The following PRCC variants were observed in gnomAD, a reference collection of about 807,000 sequenced individuals.
PRCC encodes proline-rich protein PRCC.
Under a neutral mutation model 44.0 loss-of-function variants are expected in PRCC, and 10 were observed. The observed-to-expected ratio is 0.23, with a 90% CI of 0.14 to 0.39. The LOEUF (loss-of-function observed/expected upper bound fraction) is 0.39, where lower values mean the gene tolerates loss of function less well. Ranked by LOEUF, PRCC falls within the 10% of genes least tolerant of loss-of-function variation. The pLI, the probability that PRCC is intolerant of heterozygous loss-of-function variation, is 1.00. For synonymous variants in PRCC, 278 were observed against 259.5 expected (o/e 1.07, Z -0.69); for missense variants, 573 against 624.7 (o/e 0.92, Z 0.88).
intron 2 of PRCC, among the ~76,000 whole-genome samples, chr1:156,784,210 G>A (rs781380311): frequency 7.9e-5 from 12 of 152,154 alleles, no homozygotes; most frequent in Non-Finnish European, 1.6e-4. Context: ...GCCTCCCAAA[G>A]TACTGAAATT....
At chr1:156,791,057 C>G in intron 3 of PRCC, 1 of 1,384,776 alleles carries the variant, frequency 7.2e-7, no homozygotes, top group Non-Finnish European at 9.7e-7. Context: ...TCACCCTCCT[C>G]TTCCTCTAGG....
intron 5 of PRCC, 39 bp from the exon 6 acceptor site, chr1:156,797,237 C>T (rs1017235270): frequency 6.2e-7 from 1 of 1,612,672 alleles, no homozygotes; most frequent in African/African-American, 1.3e-5. Context: ...CTTCTGCTTT[C>T]ATCCTGTGGA....
At chr1:156,777,494 T>G (rs1201153894) in intron 1 of PRCC, among the ~76,000 whole-genome samples, 1 of 152,072 alleles carries the variant, frequency 6.6e-6, no homozygotes, top group Non-Finnish European at 1.5e-5. Context: ...CCCCCACATT[T>G]AGATACTAAG....
At chr1:156,800,295 G>T in intron 6 of PRCC, 79 bp from the exon 7 acceptor site, 1 of 1,332,712 alleles carries the variant, frequency 7.5e-7, no homozygotes, top group Non-Finnish European at 1.1e-6. Context: ...ATTTTAAATT[G>T]GGAAGCTCAC....
At chr1:156,796,266 GTATTTGC>G (rs1341108853) in intron 5 of PRCC, 2 of 152,192 alleles carry the variant, frequency 1.3e-5, no homozygotes, top group Non-Finnish European at 2.9e-5. Context: ...CAAGCAATTA[GTATTTGC>G]TATTTTCCTA....
Position 156,786,742 on chromosome 1 carries a change from C to T in PRCC, c.651C>T (p.Pro217=). The part of the protein sequence containing the change: ...KPSDGSPDTK[P]SRLASKTKTS... ...CGGATGGCTCCCCTGATACTAAGCC[C>T]TCCAGACTGGCTTCTAAGACCAAGA... Residue 217 remains proline (P), a synonymous_variant, in exon 3 of 7, where the codon CCC becomes CCT. Transcript: ENST00000271526. 6.2e-7 allele frequency: 1 copy of T among 1,614,196 alleles called. No homozygotes were observed. The highest frequency in any genetic ancestry group is 8.5e-7 in the Non-Finnish European group (1 of 1,180,036).
rs35911411 is a variant in PRCC, at chr1:156,795,285, GT to G, written c.1323+501del. On this transcript the variant is annotated intron_variant, in intron 5 of 6. Coordinates refer to ENST00000271526, the MANE Select transcript of PRCC (RefSeq NM_005973.5). The stretch of plus-strand genomic sequence containing the variant: ...CTTCCAATTGTTTTCATTTTCTGGT[GT>G]TTTTTTTTTTTTTTTTTTTTTTTCA... 8.8e-3 allele frequency among the ~76,000 whole-genome samples: 316 copies of G among 36,034 alleles called. 2 individuals carry two copies. The highest frequency in any genetic ancestry group is 0.042 in the African/African-American group (298 of 7,154). 23.6% of individuals were successfully genotyped at this position (36,034 alleles called of 152,430 possible).
At chr1:156,797,118 C>A in intron 5 of PRCC, 158 bp from the exon 6 acceptor site, 1 of 717,504 alleles carries the variant, frequency 1.4e-6, no homozygotes, top group Non-Finnish European at 2.3e-6. Context: ...AAAATAAAGG[C>A]TTTGTAGTAT....
At chr1:156,778,009 AAACT>A (rs1651887120) in intron 1 of PRCC, among the ~76,000 whole-genome samples, 1 of 152,158 alleles carries the variant, frequency 6.6e-6, no homozygotes, top group Non-Finnish European at 1.5e-5. Context: ...TAATTAAATC[AAACT>A]AACATAGCTA....
chr1:156,774,502 A>G (rs1651749762), intron 1 of PRCC, among the ~76,000 whole-genome samples: 1 of 138,376 alleles, frequency 7.2e-6, no homozygotes, highest in Admixed American at 7.2e-5. Flanking sequence ...TTTTTTTTTC[A>G]ATGAAACAGG....
chr1:156,789,396 G>A (rs1191041617), intron 3 of PRCC, among the ~76,000 whole-genome samples: 2 of 152,238 alleles, frequency 1.3e-5, no homozygotes, highest in South Asian at 2.1e-4. Flanking sequence ...GAGGTATGAA[G>A]GGAAGGTGGA....
Position 156,768,010 on chromosome 1 carries a change from C to T in PRCC, c.239C>T (p.Pro80Leu), listed in dbSNP as rs1047639389. ...ACCGGAGACCCCAGGCTTCAGCCTCCTCCCCCCTTGCCCTTCGGCCTGGGA... is the reference window on the plus strand; with the variant it reads ...ACCGGAGACCCCAGGCTTCAGCCTCTTCCCCCCTTGCCCTTCGGCCTGGGA... ...PPTGDPRLQP[P>L]PPLPFGLGGF... Residue 80 changes from proline (P) to leucine (L), a missense_variant, in exon 1 of 7, where the codon CCT becomes CTT. Physicochemically the swap from Pro to Leu is moderately conservative, Grantham distance 98. Coordinates refer to ENST00000271526, the MANE Select transcript of PRCC (RefSeq NM_005973.5). 4.5e-6 allele frequency: 7 copies of T among 1,570,262 alleles called. No individual in the cohort carries two copies. In the African/African-American group the frequency reaches 5.4e-5, roughly 12 times the overall value.
chr1:156,778,281 T>C (rs1651899440), intron 1 of PRCC, among the ~76,000 whole-genome samples: 1 of 152,240 alleles, frequency 6.6e-6, no homozygotes, highest in Non-Finnish European at 1.5e-5. Flanking sequence ...GAACGTGTGC[T>C]ATTTGTCTAC....
rs67388360 is a variant in PRCC at position 156,792,053 on chromosome 1, CTTTTTTTTTT to C, written c.1179+280_1179+289del. Among the ~76,000 whole-genome samples the C allele has an allele frequency of 1.7e-3, 102 of 58,450 alleles. 1 individual carries two copies. Among genetic ancestry groups the C allele is most frequent in the African/African-American group, 3.3e-3 (63 of 18,876 alleles). 38.3% of individuals were successfully genotyped at this position (58,450 alleles called of 152,430 possible). A position where few individuals can be genotyped will look rare whatever the true frequency, so the allele number is the denominator to read the frequency against. ...ACAGAGTCAGGGATCTAGTCCCCTT[CTTTTTTTTTT>C]TTTTTTTTTTTTTTTTTTGGTAGAG... On this transcript the variant is annotated intron_variant, in intron 4 of 6. Coordinates refer to ENST00000271526, the MANE Select transcript of PRCC (RefSeq NM_005973.5).
intron 1 of PRCC, among the ~76,000 whole-genome samples, chr1:156,778,690 C>T (rs978211274): frequency 6.6e-6 from 1 of 151,130 alleles, no homozygotes; most frequent in Non-Finnish European, 1.5e-5. Flanking sequence ...TTAAGTGATC[C>T]TTCCACCTCA....
At chr1:156,778,338 A>G (rs754787859) in intron 1 of PRCC, among the ~76,000 whole-genome samples, 1 of 152,144 alleles carries the variant, frequency 6.6e-6, no homozygotes, top group Non-Finnish European at 1.5e-5. Flanking sequence ...CTCCAGTTCT[A>G]TCCATGCTGC....
intron 1 of PRCC, among the ~76,000 whole-genome samples, chr1:156,777,203 C>A (rs542181880): frequency 6.6e-6 from 1 of 151,998 alleles, no homozygotes; most frequent in Non-Finnish European, 1.5e-5. Context: ...TCAGCTGTGT[C>A]GTGTGGGATC....
At position 156,800,805 on chromosome 1, in the gene PRCC, A is replaced by T; in HGVS notation, c.*345A>T. 1 of 268,794 alleles carries T rather than the reference A, an allele frequency of 3.7e-6. No homozygotes were observed. The highest frequency in any genetic ancestry group is 7.2e-6 in the Non-Finnish European group (1 of 138,664). 16.7% of individuals were successfully genotyped at this position (268,794 alleles called of 1,614,324 possible). On this transcript the variant is annotated 3_prime_UTR_variant, in exon 7 of 7. Transcript: ENST00000271526. ...GGATGTCTGTTGAAATAAAACATTC[A>T]GTCTGACAAACATTGCCTGCCCTGT...
At chr1:156,794,518 G>C in intron 4 of PRCC, 147 bp from the exon 5 acceptor site, 1 of 931,418 alleles carries the variant, frequency 1.1e-6, no homozygotes, top group Non-Finnish European at 1.6e-6. Context: ...AGGGAGTTTG[G>C]TAGATGGCAG....
Sources: allele counts gnomAD v4.1 joint callset (sites outside exome capture counted in the v4.1 genomes callset), GRCh38; gene constraint gnomAD v4.1.1; transcripts MANE v1.5; gene names NCBI Gene and HGNC (gene_info 2026-07-23, HGNC 2026-07-21).